The following SUCLG2 variants were observed in gnomAD, a reference collection of about 807,000 sequenced individuals.
The protein encoded by SUCLG2 is succinate--CoA ligase [GDP-forming] subunit beta, mitochondrial.
SUCLG2 carries 42 observed loss-of-function variants against 47.9 expected under a neutral mutation model. That is an observed-to-expected ratio of 0.88 (90% CI 0.69 to 1.14). The LOEUF is 1.14. Ranked by LOEUF, SUCLG2 falls within the 50% of genes most tolerant of loss-of-function variation. The pLI is 0.00. For synonymous variants in SUCLG2, 195 were observed against 197.3 expected, an observed-to-expected ratio of 0.99 and a Z score of 0.10; for missense variants, 571 against 525.9, an observed-to-expected ratio of 1.09 and a Z score of -0.84.
intron 9 of SUCLG2, among the ~76,000 whole-genome samples, chr3:67,480,329 G>A (rs1004771027): frequency 6.6e-6 from 1 of 152,210 alleles, no homozygotes; most frequent in Non-Finnish European, 1.5e-5. Context: ...AAGCAAACAC[G>A]AGAATCATCT....
chr3:67,468,492 T>C (rs1301999775), intron 9 of SUCLG2, among the ~76,000 whole-genome samples: 1 of 152,188 alleles, frequency 6.6e-6, no homozygotes, highest in Non-Finnish European at 1.5e-5. Flanking sequence ...GAAGTTTCCA[T>C]TTCCTGCCTC....
chr3:67,384,335 A>C (rs1296474543), intron 10 of SUCLG2, among the ~76,000 whole-genome samples: 1 of 152,160 alleles, frequency 6.6e-6, no homozygotes, highest in Non-Finnish European at 1.5e-5. Context: ...CCTCTTTTCT[A>C]CACTAGGGAT....
At chr3:67,419,042 A>C (rs538929400) in intron 9 of SUCLG2, among the ~76,000 whole-genome samples, 1 of 152,256 alleles carries the variant, frequency 6.6e-6, no homozygotes, top group Admixed American at 6.5e-5. Flanking sequence ...TATGACACTT[A>C]AGAGTACTTC....
intron 2 of SUCLG2, among the ~76,000 whole-genome samples, chr3:67,557,673 A>C (rs1243943258): frequency 6.6e-6 from 1 of 152,192 alleles, no homozygotes; most frequent in Non-Finnish European, 1.5e-5. Context: ...ATATCACTGA[A>C]ATCAGTGGTT....
chr3:67,404,871 C>G (rs1415999533), intron 9 of SUCLG2, among the ~76,000 whole-genome samples: 1 of 152,016 alleles, frequency 6.6e-6, no homozygotes, highest in East Asian at 1.9e-4. Flanking sequence ...CAATATGTGC[C>G]TCACGTGTTC....
At chr3:67,422,501 A>AAAAAAAAAAAAAAG (rs1703189796) in intron 9 of SUCLG2, among the ~76,000 whole-genome samples, 2 of 146,138 alleles carry the variant, frequency 1.4e-5, no homozygotes, top group Admixed American at 6.9e-5. Context: ...AAAAAAAAAA[A>AAAAAAAAAAAAAAG]AAGAACATTC....
At position 67,512,819 on chromosome 3, in the gene SUCLG2, C is replaced by T. The variant is rs139170725; in HGVS notation, c.661-3916G>A. ...CACTGCCTCTGGCAACATCATTCTA[C>T]TTTGTGTCTATAAATTTGACTATTC... On this transcript the variant is annotated intron_variant, in intron 6 of 10. Coordinates refer to ENST00000307227, the MANE Select transcript of SUCLG2 (RefSeq NM_003848.4). Among the ~76,000 whole-genome samples, 668 of 150,536 alleles carry T rather than the reference C, an allele frequency of 4.4e-3. 14 individuals are homozygous for T. The East Asian group carries it at 0.054, about 12-fold the overall frequency.
chr3:67,377,626 G>T lies in SUCLG2; in HGVS notation c.1184-1767C>A, dbSNP rs144187350. ...GTTCCTAGCTGGGGCAGCCCTGGAA[G>T]TCACCTTTTTGGTTCTGGTTGTGTT... On this transcript the variant is annotated intron_variant, in intron 10 of 10. Transcript: ENST00000307227. Among the ~76,000 whole-genome samples, 3 of 152,278 alleles carry T rather than the reference G, an allele frequency of 2.0e-5. No individual in the cohort carries two copies. In the South Asian group the frequency reaches 6.2e-4, roughly 32 times the overall value.
At chr3:67,629,121 T>C (rs1179027615) in intron 1 of SUCLG2, among the ~76,000 whole-genome samples, 2 of 152,232 alleles carry the variant, frequency 1.3e-5, no homozygotes, top group African/African-American at 4.8e-5. Context: ...GAGCACCATA[T>C]TGAGTTAAGC....
At chr3:67,406,700 G>A (rs1011142057) in intron 9 of SUCLG2, among the ~76,000 whole-genome samples, 11 of 152,218 alleles carry the variant, frequency 7.2e-5, no homozygotes, top group East Asian at 3.9e-4. Context: ...GGGCCCCCTC[G>A]CAAATCATGC....
At chr3:67,619,487 C>G (rs1700694560) in intron 1 of SUCLG2, among the ~76,000 whole-genome samples, 1 of 152,090 alleles carries the variant, frequency 6.6e-6, no homozygotes, top group Admixed American at 6.6e-5. Context: ...GCCTTGAAGT[C>G]AACTGGGGCA....
chr3:67,540,697 C>T (rs1471669277), intron 2 of SUCLG2, among the ~76,000 whole-genome samples: 2 of 152,194 alleles, frequency 1.3e-5, no homozygotes, highest in Admixed American at 6.5e-5. Context: ...TGGAGCTGTG[C>T]TAAGGGACAG....
chr3:67,481,836 T>C (rs1559542379), intron 9 of SUCLG2, among the ~76,000 whole-genome samples: 1 of 152,186 alleles, frequency 6.6e-6, no homozygotes, highest in Non-Finnish European at 1.5e-5. Flanking sequence ...ATCGGATGGT[T>C]TCCTACTTTC....
intron 2 of SUCLG2, among the ~76,000 whole-genome samples, chr3:67,554,430 T>C (rs1707102518): frequency 6.6e-6 from 1 of 152,194 alleles, no homozygotes; most frequent in Non-Finnish European, 1.5e-5. Context: ...TCTTACAAAC[T>C]TCTATAAATT....
At chr3:67,580,194 T>TC (rs532086696) in intron 2 of SUCLG2, among the ~76,000 whole-genome samples, 1 of 152,294 alleles carries the variant, frequency 6.6e-6, no homozygotes, top group East Asian at 1.9e-4. Flanking sequence ...CTCTTTTTTT[T>TC]CTAGCATATT....
At chr3:67,526,701 C>A (rs1037314409) in intron 4 of SUCLG2, among the ~76,000 whole-genome samples, 1 of 152,134 alleles carries the variant, frequency 6.6e-6, no homozygotes, top group African/African-American at 2.4e-5. Flanking sequence ...CCACCAAATG[C>A]GGGCTAGAAT....
At chr3:67,585,966 C>CAAAAAAAAAAAA (rs67546250) in intron 2 of SUCLG2, among the ~76,000 whole-genome samples, 2 of 59,938 alleles carry the variant, frequency 3.3e-5, no homozygotes, top group African/African-American at 1.2e-4. Flanking sequence ...GACTCCATTT[C>CAAAAAAAAAAAA]AAAAAAAAAA....
At chr3:67,589,848 C>T (rs1708112645) in intron 2 of SUCLG2, among the ~76,000 whole-genome samples, 1 of 152,182 alleles carries the variant, frequency 6.6e-6, no homozygotes, top group African/African-American at 2.4e-5. Flanking sequence ...GCTACATGTT[C>T]CTGCACTAAA....
At chr3:67,367,609 G>A (rs923660208) in intron 10 of SUCLG2, among the ~76,000 whole-genome samples, 2 of 152,168 alleles carry the variant, frequency 1.3e-5, no homozygotes, top group Non-Finnish European at 2.9e-5. Context: ...TTGCTGTGGA[G>A]GGCAGACCCT....
Sources: allele counts gnomAD v4.1 joint callset (sites outside exome capture counted in the v4.1 genomes callset), GRCh38; gene constraint gnomAD v4.1.1; transcripts MANE v1.5; gene names NCBI Gene and HGNC (gene_info 2026-07-23, HGNC 2026-07-21).